The following CDH7 variants were observed in gnomAD, a reference collection of about 807,000 sequenced individuals.
CDH7 encodes cadherin-7.
Under a neutral mutation model 71.8 loss-of-function variants are expected in CDH7, and 25 were observed. The ratio of observed to expected loss-of-function variants is 0.35; its 90% CI spans 0.25 to 0.49. The LOEUF (loss-of-function observed/expected upper bound fraction) is 0.49, where lower values mean the gene tolerates loss of function less well. CDH7 is among the 20% of genes least tolerant of loss of function. CDH7 has a pLI of 0.99. For missense variants in CDH7, 862 were observed against 974.6 expected, an observed-to-expected ratio of 0.88 and a Z score of 1.54; for synonymous variants, 381 against 363.8, an observed-to-expected ratio of 1.05 and a Z score of -0.54.
In CDH7 at chr18:65,824,730, A is replaced by T. The variant is rs752664240; in HGVS notation, c.880A>T (p.Asn294Tyr). The change falls in exon 6 of 12, where the codon AAT becomes TAT. Residue 294 changes from asparagine to tyrosine, a missense_variant. Physicochemically the swap from Asn to Tyr is moderately radical, Grantham distance 143. Coordinates refer to ENST00000397968, the MANE Select transcript of CDH7 (RefSeq NM_004361.5). ...IKAADADIGA[N>Y]AEMEYKIVDG... ...AGCTGCTGATGCAGATATTGGAGCT[A>T]ATGCTGAAATGGAGTACAAGATTGT... The T allele has an allele frequency of 5.0e-6, 8 of 1,612,574 alleles. 1 individual carries two copies. The South Asian group carries it at 7.7e-5, about 16-fold the overall frequency.
chr18:65,822,262 T>G lies in CDH7; in HGVS notation c.793+14T>G, dbSNP rs779999057. On this transcript the variant is annotated intron_variant, in intron 5 of 11. Coordinates refer to ENST00000397968, the MANE Select transcript of CDH7 (RefSeq NM_004361.5). ...GCTTTCCTCGAAGTAAGTTGTTTTC[T>G]TAAGTGACACAAGTGCAATAACTTT... The G allele has an allele frequency of 6.3e-7, 1 of 1,598,178 alleles. No homozygotes were observed. Among genetic ancestry groups the G allele is most frequent in the Admixed American group, 1.7e-5 (1 of 59,578 alleles).
chr18:65,854,302 T>TTACA (rs1555689561), intron 7 of CDH7, among the ~76,000 whole-genome samples: 2 of 150,774 alleles, frequency 1.3e-5, no homozygotes, highest in African/African-American at 4.9e-5. Flanking sequence ...TAGACTTTGT[T>TTACA]TAAATAAATA....
intron 1 of CDH7, among the ~76,000 whole-genome samples, chr18:65,759,428 A>AT (rs1916126288): frequency 6.8e-6 from 1 of 147,170 alleles, no homozygotes; most frequent in East Asian, 2.0e-4. Context: ...TTTTTTTTTA[A>AT]TTTTTAGTAG....
intron 4 of CDH7, among the ~76,000 whole-genome samples, chr18:65,821,023 T>A (rs1181259552): frequency 1.3e-5 from 2 of 152,110 alleles, no homozygotes; most frequent in Non-Finnish European, 2.9e-5. Flanking sequence ...CATTTTTTCA[T>A]ATAAATGAAA....
At chr18:65,800,800 C>T (rs1170645957) in intron 2 of CDH7, among the ~76,000 whole-genome samples, 1 of 151,884 alleles carries the variant, frequency 6.6e-6, no homozygotes, top group Non-Finnish European at 1.5e-5. Context: ...CTGTATTATA[C>T]CTTGGTGGAT....
At chr18:65,867,161 G>A (rs1487334581) in intron 11 of CDH7, among the ~76,000 whole-genome samples, 2 of 150,766 alleles carry the variant, frequency 1.3e-5, no homozygotes. Flanking sequence ...TCAGCCTCCC[G>A]AGTAGCTGGG....
intron 1 of CDH7, among the ~76,000 whole-genome samples, chr18:65,760,692 T>C: frequency 6.6e-6 from 1 of 152,040 alleles, no homozygotes; most frequent in East Asian, 1.9e-4. Context: ...AAACCATCCC[T>C]CCCCATCCCC....
In CDH7 at chr18:65,881,011, C is replaced by G; in HGVS notation, c.*117C>G. 1 of 979,558 alleles carries G rather than the reference C, an allele frequency of 1.0e-6. No homozygotes were observed. The highest frequency in any genetic ancestry group is 1.5e-6 in the Non-Finnish European group (1 of 688,214). The allele number at this position is 979,558 out of a possible 1,614,324, so 60.7% of individuals were successfully genotyped here. A position where few individuals can be genotyped will look rare whatever the true frequency, so the allele number is the denominator to read the frequency against. On this transcript the variant is annotated 3_prime_UTR_variant, in exon 12 of 12. Transcript: ENST00000397968. ...AAACAAGAACTCCCCTTGCTGGAGA[C>G]AGATGGTTGTAAATATTTCTCCATT...
chr18:65,854,921 A>G (rs62088986), intron 7 of CDH7, among the ~76,000 whole-genome samples: 21 of 2,160 alleles, frequency 9.7e-3, no homozygotes, highest in South Asian at 0.5. Flanking sequence ...ATGTGTACAC[A>G]TATATATATA....
chr18:65,822,018 A>C, intron 4 of CDH7, 63 bp from the exon 5 acceptor site: 1 of 1,267,280 alleles, frequency 7.9e-7, no homozygotes, highest in Non-Finnish European at 1.2e-6. Context: ...TTGTATCAGT[A>C]TTCTTTGTTA....
chr18:65,805,507 T>C (rs1048709948), intron 2 of CDH7, among the ~76,000 whole-genome samples: 1 of 152,202 alleles, frequency 6.6e-6, no homozygotes, highest in Non-Finnish European at 1.5e-5. Context: ...GTGAGCATGC[T>C]GAAAAGGCCA....
At chr18:65,842,443 TTAATATTTGTGTGCAAACA>T (rs542348843) in intron 6 of CDH7, among the ~76,000 whole-genome samples, 34 of 151,934 alleles carry the variant, frequency 2.2e-4, no homozygotes, top group African/African-American at 7.7e-4. Context: ...TGGGATCTCT[TTAATATTTGTGTGCAAACA>T]TATATATACA....
intron 1 of CDH7, among the ~76,000 whole-genome samples, chr18:65,755,232 G>C (rs1313565072): frequency 6.6e-6 from 1 of 152,128 alleles, no homozygotes; most frequent in African/African-American, 2.4e-5. Context: ...ATGGATATTG[G>C]ATCAGTACCT....
intron 2 of CDH7, among the ~76,000 whole-genome samples, chr18:65,800,081 T>C (rs771050245): frequency 2.0e-4 from 30 of 152,118 alleles, no homozygotes; most frequent in Non-Finnish European, 3.2e-4. Flanking sequence ...CATTTTCTTT[T>C]TACTTTTTAT....
chr18:65,809,930 T>C lies in CDH7; in HGVS notation c.437T>C (p.Ile146Thr). The C allele has an allele frequency of 6.2e-7, 1 of 1,614,040 alleles. No individual in the cohort carries two copies. The highest frequency in any genetic ancestry group is 8.5e-7 in the Non-Finnish European group (1 of 1,179,986). The change falls in exon 3 of 12, where the codon ATC (isoleucine) becomes ACC (threonine). Residue 146 changes from isoleucine to threonine, a missense_variant. By Grantham distance (89) the Ile-to-Thr change is moderately conservative. Transcript: ENST00000397968. ...ESEFVIKIQD[I>T]NDNEPKFLDG... ...GAGTTTGTCATCAAAATTCAGGATA[T>C]CAACGACAATGAACCCAAATTTTTG...
chr18:65,873,318 A>T (rs1310491158), intron 11 of CDH7, among the ~76,000 whole-genome samples: 1 of 152,220 alleles, frequency 6.6e-6, no homozygotes, highest in African/African-American at 2.4e-5. Context: ...ACCATATGCA[A>T]TTAGAGTATT....
chr18:65,792,784 C>T (rs1910760874), intron 2 of CDH7, among the ~76,000 whole-genome samples: 1 of 152,154 alleles, frequency 6.6e-6, no homozygotes, highest in Admixed American at 6.5e-5. Context: ...GAAAACTCAG[C>T]TCTTTGCCAA....
At chr18:65,866,331 C>CAAAAAAAAAAAAAAAAAAAA (rs1291511991) in intron 11 of CDH7, 6 of 2,600 alleles carry the variant, frequency 2.3e-3, no homozygotes, top group Admixed American at 0.011. Context: ...AAAAAAAAAA[C>CAAAAAAAAAAAAAAAAAAAA]AAAAAAAAAA....
At chr18:65,871,604 G>A (rs1913929362) in intron 11 of CDH7, among the ~76,000 whole-genome samples, 1 of 152,126 alleles carries the variant, frequency 6.6e-6, no homozygotes, top group Non-Finnish European at 1.5e-5. Context: ...AGTCACAGAT[G>A]ACTTGGAGTT....
Sources: gnomAD v4.1 joint callset for allele counts (sites outside exome capture counted in the v4.1 genomes callset) on GRCh38, gnomAD v4.1.1 for gene constraint, MANE v1.5 for transcripts, NCBI Gene and HGNC (gene_info 2026-07-23, HGNC 2026-07-21) for gene names.